Variants in LOXHD1 observed in about 807,000 individuals in gnomAD.
LOXHD1 encodes the protein lipoxygenase homology PLAT domains 1.
A neutral mutation model predicts 248.2 loss-of-function variants in LOXHD1; 205 were observed. The ratio of observed to expected loss-of-function variants is 0.83; its 90% CI spans 0.74 to 0.93. The LOEUF (loss-of-function observed/expected upper bound fraction) is 0.93. Among genes scored for constraint, LOXHD1 ranks in the 40% least tolerant of loss-of-function variants. LOXHD1 has a pLI of 0.00. For missense variants in LOXHD1, 2,930 were observed against 2,971.6 expected, an observed-to-expected ratio of 0.99 and a Z score of 0.33; for synonymous variants, 1,113 against 1,162.8, an observed-to-expected ratio of 0.96 and a Z score of 0.87.
intron 2 of LOXHD1, among the ~76,000 whole-genome samples, chr18:46,647,219 C>T (rs942942074): frequency 1.3e-5 from 2 of 152,196 alleles, no homozygotes; most frequent in Admixed American, 1.3e-4. Context: ...GGTCCCAGCC[C>T]TGCCAGCTCA....
chr18:46,630,542 A>T (rs1197005447), intron 4 of LOXHD1, among the ~76,000 whole-genome samples: 1 of 152,244 alleles, frequency 6.6e-6, no homozygotes, highest in Admixed American at 6.5e-5. Context: ...CCTGGAGAGC[A>T]CACGCCATCT....
chr18:46,498,198 C>T (rs1363947363), intron 37 of LOXHD1, among the ~76,000 whole-genome samples: 1 of 152,218 alleles, frequency 6.6e-6, no homozygotes, highest in East Asian at 1.9e-4. Flanking sequence ...CTGGGCCACC[C>T]AGCCTTGCTA....
At chr18:46,564,121 C>A (rs1039347450) in intron 17 of LOXHD1, among the ~76,000 whole-genome samples, 1 of 151,010 alleles carries the variant, frequency 6.6e-6, no homozygotes, top group African/African-American at 2.4e-5. Flanking sequence ...TGTGTGTGCA[C>A]GCACACACGC....
chr18:46,600,084 C>T (rs2038311601), intron 8 of LOXHD1, among the ~76,000 whole-genome samples: 1 of 152,216 alleles, frequency 6.6e-6, no homozygotes, highest in Non-Finnish European at 1.5e-5. Context: ...TTCTGAGAAG[C>T]TCTTGCACAC....
Position 46,524,934 on chromosome 18 carries a change from T to C in LOXHD1, c.4531-17A>G. ...GGTGTCAGCCTGGGGAGCCCAGATG[T>C]GGGGACTCATATGGGGGTGTGCCAC... is the stretch of plus-strand genomic sequence containing the variant. On this transcript the variant is annotated splice_polypyrimidine_tract_variant and intron_variant, in intron 29 of 40. Transcript: ENST00000642948. 1 of 1,551,256 alleles carries C rather than the reference T, an allele frequency of 6.4e-7. No individual in the cohort carries two copies. The highest frequency in any genetic ancestry group is 8.7e-7 in the Non-Finnish European group (1 of 1,146,834).
chr18:46,575,645 G>A (rs547080343), intron 14 of LOXHD1, among the ~76,000 whole-genome samples: 7 of 152,214 alleles, frequency 4.6e-5, no homozygotes, highest in East Asian at 3.9e-4. Context: ...ACATAGGCCC[G>A]GGTCAGATCC....
Position 46,542,577 on chromosome 18 carries a change from C to G in LOXHD1, c.3748+150G>C, listed in dbSNP as rs2365336. 0.78 allele frequency: 704,462 copies of G among 902,650 alleles called. 279,630 individuals are homozygous for G. Among genetic ancestry groups the G allele is most frequent in the Non-Finnish European group, 0.83 (501,095 of 603,128 alleles). 55.9% of individuals were successfully genotyped at this position (902,650 alleles called of 1,614,324 possible). On this transcript the variant is annotated intron_variant, in intron 24 of 40. Coordinates refer to ENST00000642948, the MANE Select transcript of LOXHD1 (RefSeq NM_001384474.1). ...CTCTGTGTGCAGCTGAGGACTCTCTCGGCTCTACTGGGCTAAAGGGATTAA... is the reference window on the plus strand; with the variant it reads ...CTCTGTGTGCAGCTGAGGACTCTCTGGGCTCTACTGGGCTAAAGGGATTAA...
intron 3 of LOXHD1, among the ~76,000 whole-genome samples, chr18:46,641,625 G>T (rs2038964126): frequency 6.6e-6 from 1 of 152,198 alleles, no homozygotes; most frequent in Non-Finnish European, 1.5e-5. Flanking sequence ...CCTGTCCAAA[G>T]TGGCACAGCT....
intron 21 of LOXHD1, among the ~76,000 whole-genome samples, chr18:46,549,647 G>A (rs1408232374): frequency 6.6e-6 from 1 of 152,182 alleles, no homozygotes; most frequent in African/African-American, 2.4e-5. Context: ...CTGGAGGAAT[G>A]GGAGATTCCA....
At position 46,477,733 on chromosome 18, in the gene LOXHD1, C is replaced by G. The variant is rs892775507; in HGVS notation, c.6561G>C (p.Lys2187Asn). ...TIFGANGDTG[K>N]RELKQKMRNL... ...TGCGCATTTTCTGCTTCAGCTCCCGCTTGCCTGTGTCTCCGTTGGCCCCAA... is the reference window on the plus strand; with the variant it reads ...TGCGCATTTTCTGCTTCAGCTCCCGGTTGCCTGTGTCTCCGTTGGCCCCAA... Residue 2187 changes from lysine (K) to asparagine (N), a missense_variant, in exon 41 of 41, where the codon AAG becomes AAC. Transcript: ENST00000642948. 1.3e-6 allele frequency: 2 copies of G among 1,551,962 alleles called. No homozygotes were observed. Among genetic ancestry groups the G allele is most frequent in the East Asian group, 4.9e-5 (2 of 40,924 alleles).
At chr18:46,653,755 AT>A (rs2039142672) in intron 1 of LOXHD1, among the ~76,000 whole-genome samples, 1 of 152,254 alleles carries the variant, frequency 6.6e-6, no homozygotes. Context: ...TGGCTATGTG[AT>A]TTCAACCAAA....
At chr18:46,562,110 C>A (rs753428485) in intron 18 of LOXHD1, among the ~76,000 whole-genome samples, 1 of 152,256 alleles carries the variant, frequency 6.6e-6, no homozygotes, top group Non-Finnish European at 1.5e-5. Context: ...TAGGTTTTAA[C>A]TGATGAGGAA....
intron 15 of LOXHD1, among the ~76,000 whole-genome samples, chr18:46,570,796 G>T (rs1395158279): frequency 6.6e-6 from 1 of 152,230 alleles, no homozygotes; most frequent in Non-Finnish European, 1.5e-5. Context: ...TTACAAATTT[G>T]TGTTGGGCCA....
At chr18:46,605,061 A>G (rs1294068984) in intron 6 of LOXHD1, among the ~76,000 whole-genome samples, 3 of 152,250 alleles carry the variant, frequency 2.0e-5, no homozygotes, top group African/African-American at 7.2e-5. Context: ...AAATGCTACC[A>G]AGACCAATCA....
chr18:46,639,641 G>T lies in LOXHD1; in HGVS notation c.486C>A (p.Ser162Arg), dbSNP rs1403699742. 1.3e-6 allele frequency: 2 copies of T among 1,551,600 alleles called. No homozygotes were observed. The highest frequency in any genetic ancestry group is 1.7e-6 in the Non-Finnish European group (2 of 1,146,982). Residue 162 changes from serine to arginine, a missense_variant, in exon 4 of 41, where the codon AGC becomes AGA. Transcript: ENST00000642948. ...CTCTGGGCATGTCCATGGGGTTGAA[G>T]CTGGCCAGCAGGTCACGGCACCACT... ...DRQWCRDLLA[S>R]FNPMDMPRGN...
chr18:46,504,793 T>C (rs1386673968), intron 37 of LOXHD1, among the ~76,000 whole-genome samples: 1 of 152,196 alleles, frequency 6.6e-6, no homozygotes, highest in Non-Finnish European at 1.5e-5. Flanking sequence ...TGGGCAGCCA[T>C]TTGGGAGACC....
At chr18:46,603,672 T>C (rs903480783) in intron 7 of LOXHD1, among the ~76,000 whole-genome samples, 2 of 152,146 alleles carry the variant, frequency 1.3e-5, no homozygotes, top group Non-Finnish European at 2.9e-5. Context: ...AGTTTCCTCA[T>C]CTGTGTGATG....
intron 19 of LOXHD1, 35 bp downstream of exon 19, chr18:46,560,048 T>TGCCGGGG: frequency 7.7e-5 from 94 of 1,226,210 alleles, no homozygotes; most frequent in Non-Finnish European, 9.6e-5. Flanking sequence ...GTCTGGCCAC[T>TGCCGGGG]CCCTCCCCAC....
intron 37 of LOXHD1, among the ~76,000 whole-genome samples, chr18:46,490,703 G>A (rs1022008394): frequency 2.4e-4 from 37 of 152,260 alleles, no homozygotes; most frequent in Middle Eastern, 3.4e-3. Context: ...TCGAACTCCC[G>A]AACTCAGGTG....
Sources: gnomAD v4.1 joint callset for allele counts (sites outside exome capture counted in the v4.1 genomes callset) on GRCh38, gnomAD v4.1.1 for gene constraint, MANE v1.5 for transcripts, NCBI Gene and HGNC (gene_info 2026-07-23, HGNC 2026-07-21) for gene names.